Variants in FURIN observed in about 807,000 individuals in gnomAD.
FURIN encodes furin, paired basic amino acid cleaving enzyme.
Under a neutral mutation model 89.2 loss-of-function variants are expected in FURIN, and 18 were observed. That is an observed-to-expected ratio of 0.20 (90% CI 0.14 to 0.30). The LOEUF is 0.30. Ranked by LOEUF, FURIN falls within the 10% of genes least tolerant of loss-of-function variation. The pLI is 1.00. For missense variants in FURIN, 879 were observed against 1,100.5 expected (o/e 0.80, Z 2.85); for synonymous variants, 508 against 466.4 (o/e 1.09, Z -1.15).
rs2031979598 is a variant in FURIN at position 90,881,610 on chromosome 15, C to T, written c.2117C>T (p.Ala706Val). 3 of 1,602,966 alleles carry T rather than the reference C, an allele frequency of 1.9e-6. No homozygotes were observed. The highest frequency in any genetic ancestry group is 1.7e-5 in the Admixed American group (1 of 59,438). The change falls in exon 16 of 16, where the codon GCA (alanine) becomes GTA (valine). Residue 706 changes from alanine to valine, a missense_variant. Physicochemically the swap from Ala to Val is moderately conservative, Grantham distance 64 (BLOSUM62 0). Around this residue, in one of 5 missense-constraint regions of FURIN, gnomAD observed 457 missense variants for 490.7 expected, o/e 0.93. Coordinates refer to ENST00000268171, the MANE Select transcript of FURIN (RefSeq NM_002569.4). The surrounding 1 kb of genome is among the most constrained non-coding windows in gnomAD (Gnocchi z 4.3). ...PEVEAGQRLR[A>V]GLLPSHLPEV... ...GTGGAGGCGGGGCAACGGCTGCGGGCAGGGCTGCTGCCCTCACACCTGCCT... is the reference window on the plus strand; with the variant it reads ...GTGGAGGCGGGGCAACGGCTGCGGGTAGGGCTGCTGCCCTCACACCTGCCT...
At chr15:90,880,554 C>A in intron 13 of FURIN, 137 bp from the exon 14 acceptor site, 2 of 956,726 alleles carry the variant, frequency 2.1e-6, no homozygotes, top group Non-Finnish European at 3.1e-6. Flanking sequence ...TGAGAAACAG[C>A]CAAGCCAGCA....
intron 9 of FURIN, 89 bp downstream of exon 9, chr15:90,879,065 C>A: frequency 1.2e-6 from 1 of 818,524 alleles, no homozygotes; most frequent in Non-Finnish European, 2.0e-6. Flanking sequence ...TCTGCCTCCA[C>A]CCCCATGTGG....
chr15:90,875,663 G>A lies in FURIN; in HGVS notation c.-78G>A. 7.6e-7 allele frequency: 1 copy of A among 1,317,292 alleles called. No individual in the cohort carries two copies. The highest frequency in any genetic ancestry group is 1.0e-6 in the Non-Finnish European group (1 of 977,998). 81.6% of individuals were successfully genotyped at this position (1,317,292 alleles called of 1,614,324 possible). On this transcript the variant is annotated 5_prime_UTR_variant, in exon 2 of 16. Transcript: ENST00000268171. ...GTCAGCCCCGGGCCACAGGCAGTGAGCAGGCACCTGGGAGCCGAGGCCCTG... is the reference window on the plus strand; with the variant it reads ...GTCAGCCCCGGGCCACAGGCAGTGAACAGGCACCTGGGAGCCGAGGCCCTG...
intron 14 of FURIN, 50 bp from the exon 15 acceptor site, chr15:90,880,880 T>G: frequency 6.2e-7 from 1 of 1,609,730 alleles, no homozygotes; most frequent in Non-Finnish European, 8.5e-7. Flanking sequence ...GAGCACTGGG[T>G]GTGGTGCCAG....
In FURIN at chr15:90,878,756, G is replaced by C. The variant is rs1468503771; in HGVS notation, c.841-8G>C. ...ATCTTGAATGACCCCAGCCCACTCT[G>C]TCCACAGGGCCGAGGGGGGCTGGGC... On this transcript the variant is annotated splice_region_variant and splice_polypyrimidine_tract_variant and intron_variant, in intron 8 of 15. Coordinates refer to ENST00000268171, the MANE Select transcript of FURIN (RefSeq NM_002569.4). 2.8e-5 allele frequency: 44 copies of C among 1,573,424 alleles called. 1 individual carries two copies. In the Admixed American group the frequency reaches 7.3e-4, roughly 26 times the overall value.
chr15:90,881,567 C>T lies in FURIN; in HGVS notation c.2074C>T (p.Pro692Ser). ...SRESPPQQQP[P>S]RLPPEVEAGQ... ...AGAGTCCCCGCCACAGCAGCAGCCACCTCGGCTGCCCCCGGAGGTGGAGGC... is the reference window on the plus strand; with the variant it reads ...AGAGTCCCCGCCACAGCAGCAGCCATCTCGGCTGCCCCCGGAGGTGGAGGC... The change falls in exon 16 of 16, where the codon CCT (proline) becomes TCT (serine). Residue 692 changes from proline to serine, a missense_variant. Transcript: ENST00000268171. This position sits in a 1 kb window ranked among gnomAD's most constrained non-coding sequence, Gnocchi z 4.3. 4 of 1,611,978 alleles carry T rather than the reference C, an allele frequency of 2.5e-6. No individual in the cohort carries two copies. The highest frequency in any genetic ancestry group is 3.4e-6 in the Non-Finnish European group (4 of 1,179,066).
Position 90,881,315 on chromosome 15 carries a change from A to C in FURIN, c.1822A>C (p.Lys608Gln). The change falls in exon 16 of 16, where the codon AAG (lysine) becomes CAG (glutamine). Residue 608 changes from lysine to glutamine, a missense_variant. Physicochemically the swap from Lys to Gln is moderately conservative, Grantham distance 53 (BLOSUM62 1). Coordinates refer to ENST00000268171, the MANE Select transcript of FURIN (RefSeq NM_002569.4). The surrounding 1 kb of genome is among the most constrained non-coding windows in gnomAD (Gnocchi z 4.3). Reference protein sequence around the residue: ...VCEEGFSLHQKSCVQHCPPGF... With the variant: ...VCEEGFSLHQQSCVQHCPPGF... ...CGAGGAAGGCTTCTCCCTGCACCAG[A>C]AGAGCTGTGTCCAGCACTGCCCTCC... The C allele has an allele frequency of 6.2e-7, 1 of 1,607,516 alleles. No individual in the cohort carries two copies. The highest frequency in any genetic ancestry group is 8.5e-7 in the Non-Finnish European group (1 of 1,175,924).
At position 90,882,044 on chromosome 15, in the gene FURIN, G is replaced by C; in HGVS notation, c.*166G>C. 1.6e-6 allele frequency: 1 copy of C among 606,182 alleles called. No individual in the cohort carries two copies. Among genetic ancestry groups the C allele is most frequent in the South Asian group, 2.0e-5 (1 of 50,080 alleles). The allele number at this position is 606,182 out of a possible 1,614,324, so 37.6% of individuals were successfully genotyped here. A position where few individuals can be genotyped will look rare whatever the true frequency, so the allele number is the denominator to read the frequency against. On this transcript the variant is annotated 3_prime_UTR_variant, in exon 16 of 16. Coordinates refer to ENST00000268171, the MANE Select transcript of FURIN (RefSeq NM_002569.4). ...GGGCCCACCTGGCCACCTGAGGTGGGCCCAGGACCAGCTGGGGCGTGGGGA... is the reference window on the plus strand; with the variant it reads ...GGGCCCACCTGGCCACCTGAGGTGGCCCCAGGACCAGCTGGGGCGTGGGGA...
At chr15:90,880,898 T>C (rs2151228488) in intron 14 of FURIN, 32 bp from the exon 15 acceptor site, 1 of 1,612,004 alleles carries the variant, frequency 6.2e-7, no homozygotes, top group Non-Finnish European at 8.5e-7. Flanking sequence ...CAGCACTGTC[T>C]TAACTCTTGC....
At chr15:90,869,462 A>G (rs2031186177) in intron 1 of FURIN, among the ~76,000 whole-genome samples, 1 of 152,238 alleles carries the variant, frequency 6.6e-6, no homozygotes, top group South Asian at 2.1e-4. Context: ...TCTTTTTAGC[A>G]GCAGAATTGT....
chr15:90,880,045 C>T (rs200161738), intron 12 of FURIN, 49 bp from the exon 13 acceptor site: 172 of 1,604,612 alleles, frequency 1.1e-4, no homozygotes, highest in Non-Finnish European at 1.4e-4. Context: ...AGGGGGTGCC[C>T]GCTGGTCCCT....
Position 90,875,924 on chromosome 15 carries a change from G to C in FURIN, c.177+7G>C. ...GTTCCTCAACCTGGGCCAGGTAGGT[G>C]TTCCCCCACAGGACACTGCCAGGGG... On this transcript the variant is annotated splice_region_variant and intron_variant, in intron 2 of 15. Transcript: ENST00000268171. 6.4e-7 allele frequency: 1 copy of C among 1,574,292 alleles called. No individual in the cohort carries two copies. Among genetic ancestry groups the C allele is most frequent in the Admixed American group, 1.9e-5 (1 of 53,140 alleles).
chr15:90,869,736 G>A (rs889694767), intron 1 of FURIN, among the ~76,000 whole-genome samples: 4 of 152,196 alleles, frequency 2.6e-5, no homozygotes, highest in African/African-American at 9.6e-5. Flanking sequence ...GACCCACTGC[G>A]GGCTCCCCTG....
rs59312952 is a variant in FURIN at position 90,877,416 on chromosome 15, CAG to C, written c.579-110_579-109del. On this transcript the variant is annotated intron_variant, in intron 6 of 15. Transcript: ENST00000268171. Reference sequence around the variant, plus strand: ...GTGTGGGAGATGGGGGCTGGGTACTCAGGGGATGATGGGTGTCGGATGTGCGG... The same window carrying C: ...GTGTGGGAGATGGGGGCTGGGTACTCGGGATGATGGGTGTCGGATGTGCGG... 1.0e-2 allele frequency: 9,578 copies of C among 959,414 alleles called. 552 individuals are homozygous for C. The African/African-American group carries it at 0.13, about 13-fold the overall frequency. 59.4% of individuals were successfully genotyped at this position (959,414 alleles called of 1,614,324 possible). A position where few individuals can be genotyped will look rare whatever the true frequency, so the allele number is the denominator to read the frequency against.
Position 90,877,563 on chromosome 15 carries a change from G to A in FURIN, c.615G>A (p.Val205=). The change falls in exon 7 of 16, where the codon GTG becomes GTA. Residue 205 remains valine, a synonymous_variant. Transcript: ENST00000268171. Reference sequence around the variant, plus strand: ...GGTGTGCGGGGGAAGTGGCTGCGGTGGCCAACAACGGTGTCTGTGGTGTAG... The same window carrying A: ...GGTGTGCGGGGGAAGTGGCTGCGGTAGCCAACAACGGTGTCTGTGGTGTAG... The part of the protein sequence containing the change: ...GTRCAGEVAA[V]ANNGVCGVGV... 1 of 1,579,188 alleles carries A rather than the reference G, an allele frequency of 6.3e-7. No individual in the cohort carries two copies. Among genetic ancestry groups the A allele is most frequent in the Non-Finnish European group, 8.6e-7 (1 of 1,162,658 alleles).
Position 90,876,294 on chromosome 15 carries a change from A to G in FURIN, c.217A>G (p.Thr73Ala). The G allele has an allele frequency of 6.2e-7, 1 of 1,612,740 alleles. No homozygotes were observed. The highest frequency in any genetic ancestry group is 8.5e-7 in the Non-Finnish European group (1 of 1,179,020). ...TTACCACTTCTGGCATCGAGGAGTG[A>G]CGAAGCGGTCCCTGTCGCCTCACCG... ...DYYHFWHRGVTKRSLSPHRPR... is the reference protein window; with the variant it reads ...DYYHFWHRGVAKRSLSPHRPR... The change falls in exon 3 of 16, where the codon ACG becomes GCG. Residue 73 changes from threonine (T) to alanine (A), a missense_variant. Physicochemically the swap from Thr to Ala is moderately conservative, Grantham distance 58. Coordinates refer to ENST00000268171, the MANE Select transcript of FURIN (RefSeq NM_002569.4). This position sits in a 1 kb window ranked among gnomAD's most constrained non-coding sequence, Gnocchi z 5.0.
chr15:90,874,620 C>T (rs111239956), intron 1 of FURIN, among the ~76,000 whole-genome samples: 3,225 of 152,326 alleles, frequency 0.021, 47 homozygotes, highest in Non-Finnish European at 0.033. Context: ...GCGAATAACT[C>T]CCTATGGCTG....
Position 90,879,463 on chromosome 15 carries a change from A to G in FURIN, c.1073A>G (p.Gln358Arg). 1.2e-6 allele frequency: 2 copies of G among 1,612,938 alleles called. No individual in the cohort carries two copies. Among genetic ancestry groups the G allele is most frequent in the Non-Finnish European group, 1.7e-6 (2 of 1,179,120 alleles). The change falls in exon 10 of 16, where the codon CAG becomes CGG. Residue 358 changes from glutamine to arginine, a missense_variant. Physicochemically the swap from Gln to Arg is conservative, Grantham distance 43. This residue lies in a region of FURIN where 156 missense variants were observed against 243.7 expected (regional missense o/e 0.64). Coordinates refer to ENST00000268171, the MANE Select transcript of FURIN (RefSeq NM_002569.4). ...TGGCAGGTGACGACTGACTTGCGGC[A>G]GAAGTGCACGGAGTCTCACACGGGC... ...EKQIVTTDLR[Q>R]KCTESHTGTS...
In FURIN at chr15:90,873,312, G is replaced by A. The variant is rs570479925; in HGVS notation, c.-159-2270G>A. Among the ~76,000 whole-genome samples the A allele has an allele frequency of 1.9e-4, 29 of 152,272 alleles. 1 individual carries two copies. In the South Asian group the frequency reaches 6.0e-3, roughly 32 times the overall value. On this transcript the variant is annotated intron_variant, in intron 1 of 15. Coordinates refer to ENST00000268171, the MANE Select transcript of FURIN (RefSeq NM_002569.4). ...CTTTCTTTGGGGGGACTGTTCAGTT[G>A]CGCCTGACGCCTGCTTTCTTTCCGA...
Sources: gnomAD v4.1 joint callset for allele counts (sites outside exome capture counted in the v4.1 genomes callset) on GRCh38, gnomAD v4.1.1 for gene constraint, gnomAD v4.1.1 regional missense constraint, Gnocchi (gnomAD v3.1) non-coding constraint, MANE v1.5 for transcripts, NCBI Gene and HGNC (gene_info 2026-07-23, HGNC 2026-07-21) for gene names.